SRPX: variants seen among roughly 807,000 people sequenced by gnomAD.
SRPX encodes the protein sushi repeat containing protein X-linked.
SRPX carries 24 observed loss-of-function variants against 38.1 expected under a neutral mutation model. That is an observed-to-expected ratio of 0.63 (90% CI 0.46 to 0.89). SRPX has a LOEUF of 0.89. SRPX is among the 40% of genes least tolerant of loss of function. The pLI is 0.00. For synonymous variants in SRPX, 184 were observed against 153.8 expected (o/e 1.20, Z -1.45); for missense variants, 416 against 377.8 (o/e 1.10, Z -0.84).
rs148694617 is a variant in SRPX, at chrX:38,149,464, A to G, written c.*247T>C. ...TATGGTTATGGGTTCTAATTTCTCT[A>G]CAAAATCAAGCAGCCATGATGGAGT... On this transcript the variant is annotated 3_prime_UTR_variant, in exon 10 of 10. Coordinates refer to ENST00000378533, the MANE Select transcript of SRPX (RefSeq NM_006307.5). 4.7e-3 allele frequency: 1,360 copies of G among 288,581 alleles called. 37 individuals are homozygous for G. The Admixed American group carries it at 0.058, about 12-fold the overall frequency. The allele number at this position is 288,581 out of a possible 1,213,427, so 23.8% of individuals were successfully genotyped here. A position where few individuals can be genotyped will look rare whatever the true frequency, so the allele number is the denominator to read the frequency against.
At chrX:38,179,896 G>A (rs1315562375) in intron 1 of SRPX, among the ~76,000 whole-genome samples, 2 of 111,184 alleles carry the variant, frequency 1.8e-5, no homozygotes, top group African/African-American at 6.5e-5. Flanking sequence ...CTTGAGCCCA[G>A]GAGTTCAAAA....
chrX:38,174,321 T>A lies in SRPX; in HGVS notation c.188A>T (p.Lys63Met). 1 of 1,057,438 alleles carries A rather than the reference T, an allele frequency of 9.5e-7. No homozygotes were observed. Among genetic ancestry groups the A allele is most frequent in the Non-Finnish European group, 1.2e-6 (1 of 814,778 alleles). The allele number at this position is 1,057,438 out of a possible 1,213,427, so 87.1% of individuals were successfully genotyped here. The change falls in exon 3 of 10, where the codon AAG (lysine) becomes ATG (methionine). Residue 63 changes from lysine to methionine, a missense_variant. Lys to Met is a moderately conservative substitution (Grantham distance 95). Transcript: ENST00000378533. ...DTPWCSPIKVKYGDVYCRAPQ... is the reference protein window; with the variant it reads ...DTPWCSPIKVMYGDVYCRAPQ... The stretch of plus-strand genomic sequence containing the variant: ...GGCCCTGCAGTACACATCCCCATAC[T>A]TCACCTTGATGGGGGAGCACCACGG...
chrX:38,186,143 C>T (rs1938778688), intron 1 of SRPX, among the ~76,000 whole-genome samples: 1 of 111,813 alleles, frequency 8.9e-6, no homozygotes, highest in Non-Finnish European at 1.9e-5. Context: ...ACTGTGGTGT[C>T]CATCTTGAAT....
At chrX:38,213,951 T>G (rs764769833) in intron 1 of SRPX, among the ~76,000 whole-genome samples, 86 of 111,810 alleles carry the variant, frequency 7.7e-4, no homozygotes, top group South Asian at 1.9e-3. Flanking sequence ...TCCAATCACC[T>G]CCAGCCAGGC....
rs1340108897 is a variant in SRPX, at chrX:38,193,550, T to G, written c.98-15206A>C. 2.7e-5 allele frequency among the ~76,000 whole-genome samples: 3 copies of G among 112,191 alleles called. No individual in the cohort carries two copies. The East Asian group carries it at 8.4e-4, about 31-fold the overall frequency. On this transcript the variant is annotated intron_variant, in intron 1 of 9. Coordinates refer to ENST00000378533, the MANE Select transcript of SRPX (RefSeq NM_006307.5). ...AGCAGGCAGCAAATGGGAAACACCC[T>G]AGGCAGTCTTTTTCTCTCCTCCCTT...
chrX:38,220,451 G>A (rs1939495487), intron 1 of SRPX, among the ~76,000 whole-genome samples: 1 of 113,836 alleles, frequency 8.8e-6, no homozygotes, highest in Non-Finnish European at 1.9e-5. Flanking sequence ...GACGCAGAAG[G>A]TGCTAGGGCT....
intron 7 of SRPX, among the ~76,000 whole-genome samples, chrX:38,158,702 C>T (rs770206000): frequency 5.4e-5 from 6 of 111,634 alleles, no homozygotes; most frequent in East Asian, 2.8e-4. Flanking sequence ...GTAAAGAGAC[C>T]GGGCGCAGTG....
At chrX:38,193,548 C>G (rs996113466) in intron 1 of SRPX, among the ~76,000 whole-genome samples, 10 of 111,716 alleles carry the variant, frequency 9.0e-5, no homozygotes, top group Non-Finnish European at 1.3e-4. Flanking sequence ...TGGGAAACAC[C>G]CTAGGCAGTC....
chrX:38,212,750 T>C (rs1480212749), intron 1 of SRPX, among the ~76,000 whole-genome samples: 3 of 109,721 alleles, frequency 2.7e-5, no homozygotes, highest in Admixed American at 9.7e-5. Context: ...GTTCAGGGAG[T>C]TCCCTGCACT....
chrX:38,201,079 C>T (rs997952128), intron 1 of SRPX, among the ~76,000 whole-genome samples: 4 of 111,544 alleles, frequency 3.6e-5, no homozygotes, highest in Admixed American at 1.9e-4. Flanking sequence ...AAGACTATTA[C>T]TCCCCACTTT....
Position 38,208,848 on chromosome X carries a change from CTTTTT to C in SRPX, c.97+11843_97+11847del, listed in dbSNP as rs776432762. 6.3e-3 allele frequency among the ~76,000 whole-genome samples: 503 copies of C among 79,541 alleles called. 4 individuals are homozygous for C. Among genetic ancestry groups the C allele is most frequent in the African/African-American group, 0.022 (479 of 21,729 alleles). The allele number at this position is 79,541 out of a possible 115,157, so 69.1% of individuals were successfully genotyped here. On this transcript the variant is annotated intron_variant, in intron 1 of 9. Transcript: ENST00000378533. ...GAGTGCCAGCACACCTGACTAATTTCTTTTTTTTTTTTTTTTTTTTTAGAGATAGG... is the reference window on the plus strand; with the variant it reads ...GAGTGCCAGCACACCTGACTAATTTCTTTTTTTTTTTTTTTTAGAGATAGG...
chrX:38,149,874 A>G lies in SRPX; in HGVS notation c.1232T>C (p.Leu411Pro). The change falls in exon 10 of 10, where the codon CTC becomes CCC. Residue 411 changes from leucine to proline, a missense_variant. Leu to Pro is a moderately conservative substitution (Grantham distance 98). Coordinates refer to ENST00000378533, the MANE Select transcript of SRPX (RefSeq NM_006307.5). ...LQLRLLLRIP[L>P]YSFSMVLVDK... ...CACTAGCACCATACTGAAGGAGTAG[A>G]GTGGGATTCGCAGCAACAGCCTGTG... The G allele has an allele frequency of 2.5e-6, 3 of 1,206,447 alleles. No homozygotes were observed. The highest frequency in any genetic ancestry group is 3.4e-6 in the Non-Finnish European group (3 of 893,515).
intron 1 of SRPX, among the ~76,000 whole-genome samples, chrX:38,199,063 T>G: frequency 9.0e-6 from 1 of 111,170 alleles, no homozygotes; most frequent in Non-Finnish European, 1.9e-5. Flanking sequence ...CAAGTTGGTT[T>G]TGGTTCATAT....
chrX:38,174,135 C>A, intron 3 of SRPX, 25 bp downstream of exon 3: 1 of 1,021,884 alleles, frequency 9.8e-7, no homozygotes, highest in Non-Finnish European at 1.3e-6. Flanking sequence ...TCCCTGAGGA[C>A]CCAACACAGA....
intron 9 of SRPX, among the ~76,000 whole-genome samples, chrX:38,150,303 CAAT>C (rs1937989250): frequency 8.9e-6 from 1 of 112,187 alleles, no homozygotes; most frequent in African/African-American, 3.2e-5. Context: ...AAATTGGAAT[CAAT>C]CCAAGTTTGG....
chrX:38,155,155 T>C (rs1938110804), intron 8 of SRPX, among the ~76,000 whole-genome samples: 1 of 110,809 alleles, frequency 9.0e-6, no homozygotes, highest in Non-Finnish European at 1.9e-5. Context: ...AAGACAAATA[T>C]GATGAATTTG....
At chrX:38,216,798 C>T (rs770478007) in intron 1 of SRPX, among the ~76,000 whole-genome samples, 1 of 112,283 alleles carries the variant, frequency 8.9e-6, no homozygotes, top group African/African-American at 3.2e-5. Flanking sequence ...CACATATTTG[C>T]GTTTACTAAG....
At chrX:38,173,778 T>A (rs181398818) in intron 3 of SRPX, among the ~76,000 whole-genome samples, 1 of 111,844 alleles carries the variant, frequency 8.9e-6, no homozygotes, top group East Asian at 2.8e-4. Context: ...TCTGCTACCA[T>A]ATGTCCCTGA....
intron 1 of SRPX, among the ~76,000 whole-genome samples, chrX:38,178,668 G>A (rs1938611457): frequency 8.9e-6 from 1 of 111,822 alleles, no homozygotes; most frequent in Admixed American, 9.5e-5. Flanking sequence ...TCTCATGCCA[G>A]GGGAGATGCA....
Sources: allele counts gnomAD v4.1 joint callset (sites outside exome capture counted in the v4.1 genomes callset), GRCh38; gene constraint gnomAD v4.1.1; transcripts MANE v1.5; gene names NCBI Gene and HGNC (gene_info 2026-07-23, HGNC 2026-07-21).